KLHL18: variants seen among roughly 807,000 people sequenced by gnomAD.
The protein encoded by KLHL18 is kelch-like protein 18.
A neutral mutation model predicts 58.5 loss-of-function variants in KLHL18; 38 were observed. The observed-to-expected ratio is 0.65, with a 90% CI of 0.50 to 0.85. The LOEUF (loss-of-function observed/expected upper bound fraction) is 0.85, where lower values mean the gene tolerates loss of function less well. Ranked by LOEUF, KLHL18 falls within the 40% of genes least tolerant of loss-of-function variation. The pLI, the probability that KLHL18 is intolerant of heterozygous loss-of-function variation, is 0.00. For missense variants in KLHL18, 624 were observed against 778.4 expected (o/e 0.80, Z 2.36); for synonymous variants, 303 against 301.9 (o/e 1.00, Z -0.04).
chr3:47,286,339 A>G (rs1051081816), intron 1 of KLHL18, among the ~76,000 whole-genome samples: 1 of 152,186 alleles, frequency 6.6e-6, no homozygotes, highest in Non-Finnish European at 1.5e-5. Flanking sequence ...ACATTTCACT[A>G]CTTGCCACCA....
chr3:47,298,010 AGAATCCAACCT>A (rs1185624597), intron 1 of KLHL18, among the ~76,000 whole-genome samples: 2 of 152,174 alleles, frequency 1.3e-5, no homozygotes, highest in Non-Finnish European at 2.9e-5. Flanking sequence ...TGAGGGGATA[AGAATCCAACCT>A]GAGGGAACAA....
intron 3 of KLHL18, among the ~76,000 whole-genome samples, chr3:47,327,480 A>G (rs1300934249): frequency 1.3e-5 from 2 of 152,250 alleles, no homozygotes; most frequent in Admixed American, 6.5e-5. Context: ...AGTGAAGCAC[A>G]TGCTGTAGAG....
intron 1 of KLHL18, among the ~76,000 whole-genome samples, chr3:47,294,848 C>T (rs534599762): frequency 1.3e-5 from 2 of 152,306 alleles, no homozygotes; most frequent in Middle Eastern, 6.8e-3. Flanking sequence ...CTTGCACTTT[C>T]CCCTTCGGTT....
intron 2 of KLHL18, among the ~76,000 whole-genome samples, chr3:47,321,340 T>C (rs913472665): frequency 1.3e-5 from 2 of 151,130 alleles, no homozygotes; most frequent in Non-Finnish European, 2.9e-5. Context: ...TTTTTTGTTT[T>C]GTTTTGTTTT....
At chr3:47,286,528 C>A (rs754035724) in intron 1 of KLHL18, among the ~76,000 whole-genome samples, 1 of 152,232 alleles carries the variant, frequency 6.6e-6, no homozygotes, top group Non-Finnish European at 1.5e-5. Context: ...TCTTAAACTT[C>A]AGTGGACGTC....
In KLHL18 at chr3:47,343,560, A is replaced by G; in HGVS notation, c.1344A>G (p.Glu448=). ...HDGLQIFSSV[E]HYNHHTATWH... ...TGCCTCTCTCCCCACTGCAGGTGGAACACTACAACCACCACACAGCCACCT... is the reference window on the plus strand; with the variant it reads ...TGCCTCTCTCCCCACTGCAGGTGGAGCACTACAACCACCACACAGCCACCT... Residue 448 remains glutamate (E), a synonymous_variant, in exon 10 of 10, where the codon GAA becomes GAG. Transcript: ENST00000232766. 1 of 1,613,314 alleles carries G rather than the reference A, an allele frequency of 6.2e-7. No homozygotes were observed.
At chr3:47,293,296 A>G (rs960689851) in intron 1 of KLHL18, among the ~76,000 whole-genome samples, 6 of 152,196 alleles carry the variant, frequency 3.9e-5, no homozygotes, top group Non-Finnish European at 7.3e-5. Flanking sequence ...ATTTAATCCA[A>G]TTTTCAAAAG....
At chr3:47,337,192 C>A (rs1452702078) in intron 7 of KLHL18, 1 of 190,606 alleles carries the variant, frequency 5.2e-6, no homozygotes, top group African/African-American at 2.3e-5. Flanking sequence ...ACCTTCCTTC[C>A]CCAGGACTCC....
At chr3:47,300,597 A>G (rs1235254724) in intron 1 of KLHL18, among the ~76,000 whole-genome samples, 2 of 123,866 alleles carry the variant, frequency 1.6e-5, no homozygotes, top group Non-Finnish European at 3.5e-5. Flanking sequence ...TTTTTATTTT[A>G]GCCATTCTGT....
At chr3:47,306,277 T>C (rs1470090859) in intron 1 of KLHL18, among the ~76,000 whole-genome samples, 1 of 152,174 alleles carries the variant, frequency 6.6e-6, no homozygotes, top group Non-Finnish European at 1.5e-5. Context: ...CTCTTTGACC[T>C]ACAGACTATT....
chr3:47,310,523 C>A (rs923769406), intron 1 of KLHL18, among the ~76,000 whole-genome samples: 1 of 152,206 alleles, frequency 6.6e-6, no homozygotes, highest in Admixed American at 6.5e-5. Flanking sequence ...CTGATTATTT[C>A]CAAAAGTGTT....
At chr3:47,312,231 G>T (rs1040646966) in intron 1 of KLHL18, among the ~76,000 whole-genome samples, 1 of 152,084 alleles carries the variant, frequency 6.6e-6, no homozygotes, top group African/African-American at 2.4e-5. Flanking sequence ...TGTATTCATG[G>T]GTATAGCTAT....
chr3:47,321,346 GTTTTGTTTTT>G (rs1226116620), intron 2 of KLHL18, among the ~76,000 whole-genome samples: 49 of 142,088 alleles, frequency 3.4e-4, no homozygotes, highest in Admixed American at 2.6e-3. Flanking sequence ...GTTTTGTTTT[GTTTTGTTTTT>G]TTTTTTTTGA....
chr3:47,314,473 C>T (rs774269733), intron 1 of KLHL18, among the ~76,000 whole-genome samples: 1 of 149,944 alleles, frequency 6.7e-6, no homozygotes, highest in Non-Finnish European at 1.5e-5. Context: ...CTTATTCTTA[C>T]GCTTATTTGT....
intron 1 of KLHL18, among the ~76,000 whole-genome samples, chr3:47,289,551 A>G (rs550398769): frequency 1.3e-5 from 2 of 152,334 alleles, no homozygotes; most frequent in African/African-American, 4.8e-5. Flanking sequence ...TTGTTGATGC[A>G]TACCATTTTT....
Position 47,343,807 on chromosome 3 carries a change from G to T in KLHL18, c.1591G>T (p.Gly531Cys), listed in dbSNP as rs1417710656. ...CTGTGGGCGCCTCTACGCTGTTGGG[G>T]GCTACGACGGACAGTCAAACCTAAG... ...ASCGRLYAVGGYDGQSNLSSV... is the reference protein window; with the variant it reads ...ASCGRLYAVGCYDGQSNLSSV... The change falls in exon 10 of 10, where the codon GGC becomes TGC. Residue 531 changes from glycine (G) to cysteine (C), a missense_variant. By Grantham distance (159) the Gly-to-Cys change is radical. Coordinates refer to ENST00000232766, the MANE Select transcript of KLHL18 (RefSeq NM_025010.5). The T allele has an allele frequency of 6.2e-7, 1 of 1,614,070 alleles. No homozygotes were observed. The highest frequency in any genetic ancestry group is 8.5e-7 in the Non-Finnish European group (1 of 1,180,056).
intron 9 of KLHL18, 98 bp downstream of exon 9, chr3:47,342,928 C>A: frequency 1.1e-6 from 1 of 873,574 alleles, no homozygotes. Flanking sequence ...CTTGCCACAG[C>A]TGAATAAAGT....
chr3:47,319,298 C>T (rs1197779578), intron 1 of KLHL18, among the ~76,000 whole-genome samples: 2 of 152,220 alleles, frequency 1.3e-5, no homozygotes, highest in Non-Finnish European at 2.9e-5. Flanking sequence ...TAAAGTGTTA[C>T]AGGAATCAGG....
Position 47,330,098 on chromosome 3 carries a change from C to G in KLHL18, c.549C>G (p.Asp183Glu). 1 of 1,614,068 alleles carries G rather than the reference C, an allele frequency of 6.2e-7. No individual in the cohort carries two copies. Among genetic ancestry groups the G allele is most frequent in the Non-Finnish European group, 8.5e-7 (1 of 1,180,010 alleles). ...AGTTCCTGGCCCTGCCCTTGGAAGA[C>G]GTGCTTGAGCTGGTGTCTCGGGATG... ...SEEFLALPLE[D>E]VLELVSRDEL... is the part of the protein sequence containing the mutation. Residue 183 changes from aspartate (D) to glutamate (E), a missense_variant, in exon 4 of 10, where the codon GAC becomes GAG. By Grantham distance (45) the Asp-to-Glu change is conservative. Transcript: ENST00000232766.
Sources: gnomAD v4.1 joint callset for allele counts (sites outside exome capture counted in the v4.1 genomes callset) on GRCh38, gnomAD v4.1.1 for gene constraint, MANE v1.5 for transcripts, NCBI Gene and HGNC (gene_info 2026-07-23, HGNC 2026-07-21) for gene names.